CADM1: variants seen among roughly 807,000 people sequenced by gnomAD.
The protein encoded by CADM1 is cell adhesion molecule 1.
Under a neutral mutation model 53.1 loss-of-function variants are expected in CADM1, and 15 were observed. That is an observed-to-expected ratio of 0.28 (90% CI 0.19 to 0.44). The LOEUF (loss-of-function observed/expected upper bound fraction) is 0.44, where lower values mean the gene tolerates loss of function less well. Among genes scored for constraint, CADM1 ranks in the 20% least tolerant of loss-of-function variants. CADM1 has a pLI of 1.00. For missense variants in CADM1, 434 were observed against 611.3 expected, an observed-to-expected ratio of 0.71 and a Z score of 3.06; for synonymous variants, 281 against 243.0, an observed-to-expected ratio of 1.16 and a Z score of -1.45.
In CADM1 at chr11:115,176,269, G is replaced by T; in HGVS notation, c.*205C>A. The T allele has an allele frequency of 7.4e-7, 1 of 1,347,000 alleles. No individual in the cohort carries two copies. Among genetic ancestry groups the T allele is most frequent in the Admixed American group, 3.1e-5 (1 of 32,656 alleles). 83.4% of individuals were successfully genotyped at this position (1,347,000 alleles called of 1,614,324 possible). On this transcript the variant is annotated 3_prime_UTR_variant, in exon 12 of 12. Coordinates refer to ENST00000331581, the MANE Select transcript of CADM1 (RefSeq NM_001301043.2). Reference sequence around the variant, plus strand: ...ATAAAAATTAAACAAACAAACAAACGAAAAAAGAGGTGTCAAACAGCAGAG... The same window carrying T: ...ATAAAAATTAAACAAACAAACAAACTAAAAAAGAGGTGTCAAACAGCAGAG...
At chr11:115,427,697 T>C (rs182087017) in intron 1 of CADM1, among the ~76,000 whole-genome samples, 8 of 152,206 alleles carry the variant, frequency 5.3e-5, no homozygotes, top group South Asian at 2.1e-4. Context: ...AAAGAAAATA[T>C]ATTAATAATG....
rs140350636 is a variant in CADM1 at position 115,274,666 on chromosome 11, T to C, written c.125-34246A>G. 5.2e-3 allele frequency among the ~76,000 whole-genome samples: 785 copies of C among 152,342 alleles called. 9 individuals are homozygous for C. Among genetic ancestry groups the C allele is most frequent in the African/African-American group, 0.018 (735 of 41,572 alleles). On this transcript the variant is annotated intron_variant, in intron 1 of 11. Transcript: ENST00000331581. ...GCTCTTGAACGTGTAGTAAAGAAGG[T>C]AGAACCACAGGACGAGATTTTGATT...
At chr11:115,438,486 TCAGA>T (rs1247041609) in intron 1 of CADM1, among the ~76,000 whole-genome samples, 1 of 151,758 alleles carries the variant, frequency 6.6e-6, no homozygotes, top group African/African-American at 2.4e-5. Flanking sequence ...ATGAAACAAA[TCAGA>T]CAGTCAGAGC....
chr11:115,381,950 A>G (rs983503162), intron 1 of CADM1, among the ~76,000 whole-genome samples: 2 of 151,956 alleles, frequency 1.3e-5, no homozygotes, highest in African/African-American at 4.8e-5. Context: ...GGTTCAAGCC[A>G]TCTCCTGCCT....
intron 1 of CADM1, among the ~76,000 whole-genome samples, chr11:115,375,707 C>T (rs1946420364): frequency 6.6e-6 from 1 of 151,986 alleles, no homozygotes; most frequent in South Asian, 2.1e-4. Flanking sequence ...GAAACATAGA[C>T]CCATGACAGA....
chr11:115,380,046 T>TA (rs747895250), intron 1 of CADM1, among the ~76,000 whole-genome samples: 7 of 152,148 alleles, frequency 4.6e-5, no homozygotes, highest in Non-Finnish European at 8.8e-5. Flanking sequence ...TTCCGGTCCT[T>TA]AAAAGACATT....
intron 1 of CADM1, among the ~76,000 whole-genome samples, chr11:115,261,197 T>A (rs1367795755): frequency 6.6e-6 from 1 of 152,164 alleles, no homozygotes; most frequent in African/African-American, 2.4e-5. Flanking sequence ...TTTAAAAACA[T>A]ATTGAGAAAT....
intron 9 of CADM1, chr11:115,193,941 G>A (rs1940022344): frequency 6.6e-6 from 1 of 152,204 alleles, no homozygotes; most frequent in African/African-American, 2.4e-5. Flanking sequence ...TAAAAACTCA[G>A]TCATCCTGTT....
intron 1 of CADM1, among the ~76,000 whole-genome samples, chr11:115,412,158 A>C (rs575298107): frequency 6.6e-5 from 10 of 152,226 alleles, no homozygotes; most frequent in African/African-American, 2.4e-4. Context: ...TTTTATAAAC[A>C]GCTTTATGAA....
At chr11:115,430,735 C>A (rs987736247) in intron 1 of CADM1, among the ~76,000 whole-genome samples, 2 of 152,148 alleles carry the variant, frequency 1.3e-5, no homozygotes, top group Non-Finnish European at 2.9e-5. Context: ...GAGATTTGGT[C>A]ATTTCATTCA....
intron 1 of CADM1, among the ~76,000 whole-genome samples, chr11:115,250,266 C>T (rs759516589): frequency 4.6e-5 from 7 of 152,178 alleles, no homozygotes; most frequent in Non-Finnish European, 8.8e-5. Context: ...CCTCAAGTCT[C>T]AATGGAGATA....
chr11:115,384,169 T>G (rs2135162127), intron 1 of CADM1, among the ~76,000 whole-genome samples: 1 of 152,330 alleles, frequency 6.6e-6, no homozygotes, highest in East Asian at 1.9e-4. Context: ...CATTAAATAT[T>G]GAACAGATAA....
At position 115,477,765 on chromosome 11, in the gene CADM1, CT is replaced by C. The variant is rs544078237; in HGVS notation, c.124+26505del. ...CAAACTGGCTGCACTGGAGAAGTGT[CT>C]TCTCCAGATTGCTGCTGCAGCTGGG... On this transcript the variant is annotated intron_variant, in intron 1 of 11. Transcript: ENST00000331581. 1.2e-3 allele frequency among the ~76,000 whole-genome samples: 179 copies of C among 152,366 alleles called. 1 individual carries two copies. The highest frequency in any genetic ancestry group is 2.1e-3 in the Non-Finnish European group (140 of 68,032).
At chr11:115,247,129 A>G (rs1942433721) in intron 1 of CADM1, among the ~76,000 whole-genome samples, 1 of 152,232 alleles carries the variant, frequency 6.6e-6, no homozygotes, top group Admixed American at 6.5e-5. Context: ...TTAGCATTGA[A>G]TTCCAAAAGC....
rs145171991 is a variant in CADM1 at position 115,178,728 on chromosome 11, C to T, written c.1213G>A (p.Val405Met). 1.9e-5 allele frequency: 31 copies of T among 1,613,708 alleles called. No homozygotes were observed. Among genetic ancestry groups the T allele is most frequent in the East Asian group, 8.9e-5 (4 of 44,874 alleles). Reference protein sequence around the residue: ...EGSIRAVDHAVIGGVVAVVVF... With the variant: ...EGSIRAVDHAMIGGVVAVVVF... The stretch of plus-strand genomic sequence containing the variant: ...ACCACCGCCACGACGCCACCGATCA[C>T]GGCATGATCCACTGCCCTGATCGAG... The change falls in exon 11 of 12, where the codon GTG (valine) becomes ATG (methionine). Residue 405 changes from valine (V) to methionine (M), a missense_variant. By Grantham distance (21) the Val-to-Met change is conservative (BLOSUM62 1). Around this residue, in one of 4 missense-constraint regions of CADM1, gnomAD observed 311 missense variants for 435.1 expected, o/e 0.71. Transcript: ENST00000331581.
chr11:115,465,899 A>G (rs1948890352), intron 1 of CADM1, among the ~76,000 whole-genome samples: 1 of 152,164 alleles, frequency 6.6e-6, no homozygotes, highest in Non-Finnish European at 1.5e-5. Context: ...TTAATTCTAT[A>G]ATAGAATTCT....
At chr11:115,224,275 T>C (rs910832829) in intron 5 of CADM1, among the ~76,000 whole-genome samples, 1 of 148,752 alleles carries the variant, frequency 6.7e-6, no homozygotes, top group East Asian at 2.1e-4. Flanking sequence ...TTTCCTCCAG[T>C]TGAGGGAATG....
chr11:115,274,394 A>G (rs965982548), intron 1 of CADM1, among the ~76,000 whole-genome samples: 1 of 152,250 alleles, frequency 6.6e-6, no homozygotes, highest in African/African-American at 2.4e-5. Context: ...TCAATCTGGT[A>G]GTTATCGCCC....
chr11:115,279,206 G>C (rs1943523246), intron 1 of CADM1, among the ~76,000 whole-genome samples: 1 of 152,122 alleles, frequency 6.6e-6, no homozygotes, highest in African/African-American at 2.4e-5. Context: ...CAGAAAACTA[G>C]ACTCATTAGC....
Sources: allele counts gnomAD v4.1 joint callset (sites outside exome capture counted in the v4.1 genomes callset), GRCh38; gene constraint gnomAD v4.1.1; regional missense constraint gnomAD v4.1.1; transcripts MANE v1.5; gene names NCBI Gene and HGNC (gene_info 2026-07-23, HGNC 2026-07-21).